Variants in CDKL5 observed in about 807,000 individuals in gnomAD.
The protein encoded by CDKL5 is cyclin-dependent kinase-like 5.
Under a neutral mutation model 61.7 loss-of-function variants are expected in CDKL5, and 8 were observed. The observed-to-expected ratio is 0.13, with a 90% confidence interval of 0.08 to 0.23. The LOEUF (loss-of-function observed/expected upper bound fraction) is 0.23, where lower values mean the gene tolerates loss of function less well. CDKL5 is among the 10% of genes least tolerant of loss of function. CDKL5 has a pLI of 1.00. For missense variants in CDKL5, 440 were observed against 734.5 expected (o/e 0.60, Z 4.63); for synonymous variants, 275 against 272.3 (o/e 1.01, Z -0.10).
At chrX:18,569,316 A>G (rs1424579618) in intron 4 of CDKL5, among the ~76,000 whole-genome samples, 1 of 111,522 alleles carries the variant, frequency 9.0e-6, no homozygotes, top group Non-Finnish European at 1.9e-5. Flanking sequence ...TTTATCTAGT[A>G]AACACCTGAC....
intron 1 of CDKL5, among the ~76,000 whole-genome samples, chrX:18,447,483 A>T (rs758875740): frequency 8.7e-4 from 96 of 109,907 alleles, no homozygotes; most frequent in African/African-American, 2.9e-3. Flanking sequence ...TCCCACCCCC[A>T]CCGCTGCTTA....
At chrX:18,582,430 T>C (rs956543924) in intron 7 of CDKL5, among the ~76,000 whole-genome samples, 1 of 111,710 alleles carries the variant, frequency 9.0e-6, no homozygotes, top group Non-Finnish European at 1.9e-5. Context: ...TTTGATTGAA[T>C]GTATAGGGAA....
chrX:18,634,043 A>G lies in CDKL5; in HGVS notation c.*5286A>G, dbSNP rs777772661. On this transcript the variant is annotated 3_prime_UTR_variant, in exon 18 of 18. Coordinates refer to ENST00000623535, the MANE Select transcript of CDKL5 (RefSeq NM_001323289.2). ...CGGCAGTGAAACTAGTTTCACTTCT[A>G]AAGCCCTTCATTTCCCACAAGGTTA... 6.6e-6 allele frequency: 5 copies of G among 752,372 alleles called. No individual in the cohort carries two copies. The highest frequency in any genetic ancestry group is 6.3e-6 in the Non-Finnish European group (4 of 639,066). 62.0% of individuals were successfully genotyped at this position (752,372 alleles called of 1,213,427 possible). A position where few individuals can be genotyped will look rare whatever the true frequency, so the allele number is the denominator to read the frequency against.
At chrX:18,593,690 CCTT>C (rs1476377938) in intron 9 of CDKL5, among the ~76,000 whole-genome samples, 1 of 111,939 alleles carries the variant, frequency 8.9e-6, no homozygotes, top group African/African-American at 3.2e-5. Flanking sequence ...CTGATTGTCA[CCTT>C]CTTCATCTCT....
intron 17 of CDKL5, 51 bp from the exon 18 acceptor site, chrX:18,628,320 T>C: frequency 8.5e-7 from 1 of 1,175,812 alleles, no homozygotes; most frequent in Non-Finnish European, 1.2e-6. Flanking sequence ...CTCCCCAGCC[T>C]TATGGTCGCT....
chrX:18,439,046 C>CT (rs149397255), intron 1 of CDKL5, among the ~76,000 whole-genome samples: 31 of 1,367 alleles, frequency 0.023, 1 homozygote, highest in Non-Finnish European at 0.01. Context: ...CCCCTTTTTG[C>CT]CCCCCCCCCC....
At position 18,635,703 on chromosome X, in the gene CDKL5, G is replaced by A. The variant is rs911360069; in HGVS notation, c.*6946G>A. 4 of 601,304 alleles carry A rather than the reference G, an allele frequency of 6.7e-6. No individual in the cohort carries two copies. Among genetic ancestry groups the A allele is most frequent in the African/African-American group, 2.5e-5 (1 of 40,332 alleles). 49.6% of individuals were successfully genotyped at this position (601,304 alleles called of 1,213,427 possible). The stretch of plus-strand genomic sequence containing the variant: ...CCTTTGCACGTCGCTAGACACTCAC[G>A]TGGTAGTTTGAGGAGGATGGGAAGA... On this transcript the variant is annotated 3_prime_UTR_variant, in exon 18 of 18. Transcript: ENST00000623535.
chrX:18,630,354 G>C lies in CDKL5; in HGVS notation c.*1597G>C. On this transcript the variant is annotated 3_prime_UTR_variant, in exon 18 of 18. Coordinates refer to ENST00000623535, the MANE Select transcript of CDKL5 (RefSeq NM_001323289.2). ...GTCACCTCAGCACCATCATCTATCA[G>C]TAGTAGTAGATTTTTGGAATTAGTC... 1 of 753,400 alleles carries C rather than the reference G, an allele frequency of 1.3e-6. No individual in the cohort carries two copies. Among genetic ancestry groups the C allele is most frequent in the Non-Finnish European group, 1.6e-6 (1 of 638,923 alleles). The allele number at this position is 753,400 out of a possible 1,213,427, so 62.1% of individuals were successfully genotyped here. A position where few individuals can be genotyped will look rare whatever the true frequency, so the allele number is the denominator to read the frequency against.
intron 2 of CDKL5, among the ~76,000 whole-genome samples, chrX:18,509,336 A>G (rs963730948): frequency 1.8e-4 from 20 of 109,901 alleles, no homozygotes; most frequent in East Asian, 2.9e-4. Flanking sequence ...GAATTGGACA[A>G]TTGCCTGGCA....
At chrX:18,576,943 T>C (rs1925319584) in intron 5 of CDKL5, among the ~76,000 whole-genome samples, 1 of 110,143 alleles carries the variant, frequency 9.1e-6, no homozygotes, top group Non-Finnish European at 1.9e-5. Context: ...TGGAGTGTAG[T>C]GGCTATTCAC....
intron 1 of CDKL5, among the ~76,000 whole-genome samples, chrX:18,436,413 CAG>C (rs1246049501): frequency 9.0e-6 from 1 of 111,241 alleles, no homozygotes; most frequent in Non-Finnish European, 1.9e-5. Context: ...CTGTATGTAA[CAG>C]GGTAGGGTTG....
chrX:18,510,402 G>C (rs1347782207), intron 2 of CDKL5, among the ~76,000 whole-genome samples: 3 of 112,081 alleles, frequency 2.7e-5, no homozygotes, highest in Non-Finnish European at 3.8e-5. Context: ...TGATCTGCCA[G>C]CCTCGGCCTC....
chrX:18,572,915 T>C (rs1925180868), intron 4 of CDKL5, among the ~76,000 whole-genome samples: 1 of 110,958 alleles, frequency 9.0e-6, no homozygotes, highest in Non-Finnish European at 1.9e-5. Flanking sequence ...TCAAGAAAAA[T>C]GGTAAGAAGT....
intron 4 of CDKL5, among the ~76,000 whole-genome samples, chrX:18,571,326 C>T (rs776349103): frequency 9.0e-6 from 1 of 111,346 alleles, no homozygotes; most frequent in Non-Finnish European, 1.9e-5. Context: ...ACCTTTGTGC[C>T]TGTGTTCTAC....
At chrX:18,551,829 G>A (rs1924402771) in intron 3 of CDKL5, among the ~76,000 whole-genome samples, 1 of 107,736 alleles carries the variant, frequency 9.3e-6, no homozygotes, top group Non-Finnish European at 1.9e-5. Flanking sequence ...CTGGGCTCAA[G>A]CGATTTGCCT....
intron 21 of CDKL5, among the ~76,000 whole-genome samples, chrX:18,652,480 C>G (rs747587002): frequency 1.3e-4 from 15 of 111,653 alleles, no homozygotes; most frequent in Non-Finnish European, 2.6e-4. Context: ...ACCAGCCTGG[C>G]CAACACGGTG....
At chrX:18,509,242 CA>C (rs1297285262) in intron 2 of CDKL5, among the ~76,000 whole-genome samples, 1,608 of 106,878 alleles carry the variant, frequency 0.015, 34 homozygotes, top group Admixed American at 0.043. Flanking sequence ...CACACACACA[CA>C]CACCCCTGTC....
intron 9 of CDKL5, 21 bp from the exon 10 acceptor site, chrX:18,595,327 C>T (rs200816128): frequency 1.8e-6 from 2 of 1,093,387 alleles, no homozygotes; most frequent in African/African-American, 1.8e-5. Context: ...TGTTAACATT[C>T]CCTTTGTGTA....
Position 18,623,830 on chromosome X carries a change from G to C in CDKL5, c.2377-1298G>C, listed in dbSNP as rs770563122. The C allele has an allele frequency of 4.1e-5, 26 of 640,760 alleles. No individual in the cohort carries two copies. In the South Asian group the frequency reaches 2.0e-3, roughly 49 times the overall value. The allele number at this position is 640,760 out of a possible 1,213,427, so 52.8% of individuals were successfully genotyped here. ...CCAAGGGCTAGTAGTTTCAATAAGA[G>C]CACTTTTTTTTTTTTTTGCAATTAG... On this transcript the variant is annotated intron_variant, in intron 16 of 17. Coordinates refer to ENST00000623535, the MANE Select transcript of CDKL5 (RefSeq NM_001323289.2).
Sources: gnomAD v4.1 joint callset for allele counts (sites outside exome capture counted in the v4.1 genomes callset) on GRCh38, gnomAD v4.1.1 for gene constraint, MANE v1.5 for transcripts, NCBI Gene and HGNC (gene_info 2026-07-23, HGNC 2026-07-21) for gene names.